SNTG1: variants seen among roughly 807,000 people sequenced by gnomAD.
The protein encoded by SNTG1 is syntrophin gamma 1, also known as gamma-1-syntrophin.
A neutral mutation model predicts 74.7 loss-of-function variants in SNTG1; 39 were observed. That is an observed-to-expected ratio of 0.52 (90% confidence interval 0.40 to 0.68). The LOEUF (loss-of-function observed/expected upper bound fraction) is 0.68. Among genes scored for constraint, SNTG1 ranks in the 30% least tolerant of loss-of-function variants. SNTG1 has a pLI of 0.00. For missense variants in SNTG1, 685 were observed against 609.5 expected, an observed-to-expected ratio of 1.12 and a Z score of -1.30; for synonymous variants, 254 against 217.1, an observed-to-expected ratio of 1.17 and a Z score of -1.49.
chr8:50,411,454 A>G (rs118139053), intron 4 of SNTG1, among the ~76,000 whole-genome samples: 1 of 151,388 alleles, frequency 6.6e-6, no homozygotes, highest in Non-Finnish European at 1.5e-5. Flanking sequence ...TCTCAAAAAA[A>G]AAAAATAAAA....
At chr8:50,310,091 G>A (rs887141418) in intron 2 of SNTG1, among the ~76,000 whole-genome samples, 5 of 152,096 alleles carry the variant, frequency 3.3e-5, no homozygotes, top group Non-Finnish European at 7.4e-5. Flanking sequence ...GAAGATCCTC[G>A]TACATCTAAG....
At chr8:50,776,016 A>G (rs1428119275) in intron 18 of SNTG1, among the ~76,000 whole-genome samples, 2 of 151,534 alleles carry the variant, frequency 1.3e-5, no homozygotes, top group Non-Finnish European at 3.0e-5. Context: ...TGTAGATAGC[A>G]TATATTTGGG....
intron 2 of SNTG1, among the ~76,000 whole-genome samples, chr8:50,282,448 C>A (rs2088519453): frequency 6.6e-6 from 1 of 152,116 alleles, no homozygotes; most frequent in Non-Finnish European, 1.5e-5. Context: ...TGGGTAAATT[C>A]CTTACCTGAA....
Position 50,543,006 on chromosome 8 carries a change from T to C in SNTG1, c.680+6198T>C, listed in dbSNP as rs527682154. ...CAGTAATTCTTTGTCAGATGGGTCA[T>C]TTGAAAATATTTTTTCCCATTCTGT... On this transcript the variant is annotated intron_variant, in intron 11 of 18. Coordinates refer to ENST00000642720, the MANE Select transcript of SNTG1 (RefSeq NM_018967.5). 4.6e-5 allele frequency among the ~76,000 whole-genome samples: 7 copies of C among 152,338 alleles called. No individual in the cohort carries two copies. The South Asian group carries it at 1.4e-3, about 32-fold the overall frequency.
chr8:50,402,256 T>C lies in SNTG1; in HGVS notation c.74T>C (p.Phe25Ser). Residue 25 changes from phenylalanine to serine, a missense_variant, in exon 4 of 19, where the codon TTC becomes TCC. Transcript: ENST00000642720. ...CLLQDGNQEP[F>S]KVRLHLAKDI... ...CTGCAGGATGGTAACCAGGAGCCTT[T>C]CAAAGTGCGGCTGCACCTAGCCAAA... 2 of 1,613,206 alleles carry C rather than the reference T, an allele frequency of 1.2e-6. No individual in the cohort carries two copies.
intron 1 of SNTG1, among the ~76,000 whole-genome samples, chr8:49,954,014 A>G (rs1447474603): frequency 6.6e-6 from 1 of 152,216 alleles, no homozygotes; most frequent in African/African-American, 2.4e-5. Context: ...TAGTGAAAAA[A>G]GTTAAGGATT....
chr8:50,660,373 A>G (rs1419757190), intron 15 of SNTG1, among the ~76,000 whole-genome samples: 2 of 140,810 alleles, frequency 1.4e-5, no homozygotes, highest in African/African-American at 5.5e-5. Flanking sequence ...AGAGAGAGAA[A>G]GAAGGAAGGA....
intron 1 of SNTG1, among the ~76,000 whole-genome samples, chr8:49,927,021 C>A (rs1483406626): frequency 6.6e-6 from 1 of 151,998 alleles, no homozygotes; most frequent in Non-Finnish European, 1.5e-5. Flanking sequence ...TAATAAATTG[C>A]AAATTAAAAC....
intron 1 of SNTG1, among the ~76,000 whole-genome samples, chr8:49,957,735 G>A (rs1197295277): frequency 6.6e-6 from 1 of 152,138 alleles, no homozygotes; most frequent in South Asian, 2.1e-4. Context: ...TTGACCGAAA[G>A]GGGTGATGGC....
At chr8:50,508,518 C>G in intron 9 of SNTG1, among the ~76,000 whole-genome samples, 1 of 152,174 alleles carries the variant, frequency 6.6e-6, no homozygotes, top group East Asian at 1.9e-4. Flanking sequence ...AATGGTTGAA[C>G]TAGTTTACAG....
chr8:50,350,391 G>A (rs2091619938), intron 2 of SNTG1, among the ~76,000 whole-genome samples: 1 of 152,214 alleles, frequency 6.6e-6, no homozygotes, highest in Non-Finnish European at 1.5e-5. Context: ...CCTGAGTCTG[G>A]TGGGGACTTC....
chr8:50,780,476 C>G (rs1320700992), intron 18 of SNTG1, among the ~76,000 whole-genome samples: 2 of 152,158 alleles, frequency 1.3e-5, no homozygotes. Context: ...TCTAGATTTT[C>G]TAGTTTATTT....
intron 9 of SNTG1, among the ~76,000 whole-genome samples, chr8:50,506,380 T>C (rs1258702616): frequency 1.3e-5 from 2 of 152,098 alleles, no homozygotes; most frequent in Non-Finnish European, 2.9e-5. Context: ...TTCTGCAAAA[T>C]AATACCATAG....
At chr8:49,938,592 C>CTTTTTTTT (rs1244932981) in intron 1 of SNTG1, among the ~76,000 whole-genome samples, 3 of 18,130 alleles carry the variant, frequency 1.7e-4, no homozygotes, top group Admixed American at 7.8e-4. Flanking sequence ...CTTTTCTTTT[C>CTTTTTTTT]TTTTCTTTTC....
At chr8:50,150,015 C>G (rs975591914) in intron 1 of SNTG1, among the ~76,000 whole-genome samples, 19 of 152,078 alleles carry the variant, frequency 1.2e-4, no homozygotes, top group African/African-American at 4.6e-4. Context: ...ATTGATTTTT[C>G]CTATCCATGA....
intron 15 of SNTG1, among the ~76,000 whole-genome samples, chr8:50,702,654 A>G (rs989661169): frequency 1.8e-4 from 28 of 152,210 alleles, no homozygotes; most frequent in Admixed American, 6.5e-4. Context: ...GATATAGCAT[A>G]TATACAGTCA....
chr8:50,019,703 C>A (rs1005670482), intron 1 of SNTG1, among the ~76,000 whole-genome samples: 4 of 151,962 alleles, frequency 2.6e-5, no homozygotes, highest in African/African-American at 9.7e-5. Context: ...AATAACCCCC[C>A]AAAGACACAA....
rs535321779 is a variant in SNTG1, at chr8:50,496,837, G to A, written c.364-5941G>A. ...TTTGAATTATGAAATGTGAGTGAAA[G>A]TAAAAAGGACAACTGGATTTATTGG... On this transcript the variant is annotated intron_variant, in intron 8 of 18. Coordinates refer to ENST00000642720, the MANE Select transcript of SNTG1 (RefSeq NM_018967.5). Among the ~76,000 whole-genome samples, 234 of 152,056 alleles carry A rather than the reference G, an allele frequency of 1.5e-3. 2 individuals carry two copies. Among genetic ancestry groups the A allele is most frequent in the Middle Eastern group, 0.01 (3 of 294 alleles).
chr8:50,062,267 T>C (rs140211885), intron 1 of SNTG1, among the ~76,000 whole-genome samples: 4,685 of 152,170 alleles, frequency 0.031, 112 homozygotes, highest in Non-Finnish European at 0.051. Context: ...GGCTGATCTC[T>C]AACTCCTGAC....
Sources: allele counts gnomAD v4.1 joint callset (sites outside exome capture counted in the v4.1 genomes callset), GRCh38; gene constraint gnomAD v4.1.1; transcripts MANE v1.5; gene names NCBI Gene and HGNC (gene_info 2026-07-23, HGNC 2026-07-21).